The following MCPH1 variants were observed in gnomAD, a reference collection of about 807,000 sequenced individuals.
The protein encoded by MCPH1 is microcephalin 1.
MCPH1 carries 104 observed loss-of-function variants against 84.5 expected under a neutral mutation model. The observed-to-expected ratio is 1.23, with a 90% CI of 1.05 to 1.45. The LOEUF (loss-of-function observed/expected upper bound fraction) is 1.45. Among genes scored for constraint, MCPH1 ranks in the 40% most tolerant of loss-of-function variants. The probability of loss-of-function intolerance (pLI) is 0.00; values close to 1 mark genes in which losing one functional copy is unlikely to be tolerated. For synonymous variants in MCPH1, 514 were observed against 366.8 expected, an observed-to-expected ratio of 1.40 and a Z score of -4.58; for missense variants, 1,498 against 1,005.7, an observed-to-expected ratio of 1.49 and a Z score of -6.62.
chr8:6,455,098 G>T, intron 8 of MCPH1, 45 bp from the exon 9 acceptor site: 1 of 1,431,882 alleles, frequency 7.0e-7, no homozygotes, highest in South Asian at 1.1e-5. Flanking sequence ...GTTGTATTTG[G>T]TCCATGTAAA....
chr8:6,420,620 T>A lies in MCPH1; in HGVS notation c.233+5737T>A, dbSNP rs530456503. Among the ~76,000 whole-genome samples the A allele has an allele frequency of 2.6e-4, 39 of 152,290 alleles. 1 individual carries two copies. In the South Asian group the frequency reaches 6.6e-3, roughly 26 times the overall value. ...TCTTATGGAGTCCATTGAAATGGCT[T>A]ATTGATTTTTATCTCAAAATCGATC... is the stretch of plus-strand genomic sequence containing the variant. On this transcript the variant is annotated intron_variant, in intron 3 of 13. Coordinates refer to ENST00000344683, the MANE Select transcript of MCPH1 (RefSeq NM_024596.5).
rs148662788 is a variant in MCPH1 at position 6,496,508 on chromosome 8, C to A, written c.2137-3344C>A. 2.6e-5 allele frequency among the ~76,000 whole-genome samples: 4 copies of A among 152,188 alleles called. No individual in the cohort carries two copies. The East Asian group carries it at 7.7e-4, about 29-fold the overall frequency. ...TGCAAAGAATATTGTTGACTTTCGC[C>A]ACACGGAAGCCCCCCCGCCCCCCTT... is the stretch of plus-strand genomic sequence containing the variant. On this transcript the variant is annotated intron_variant, in intron 11 of 13. Transcript: ENST00000344683.
At chr8:6,467,866 G>C (rs1467421997) in intron 9 of MCPH1, among the ~76,000 whole-genome samples, 1 of 152,212 alleles carries the variant, frequency 6.6e-6, no homozygotes, top group Non-Finnish European at 1.5e-5. Context: ...CCAAAGTGCT[G>C]GGATTATAGG....
intron 12 of MCPH1, among the ~76,000 whole-genome samples, chr8:6,545,084 A>G (rs1048341592): frequency 2.0e-5 from 3 of 152,116 alleles, no homozygotes; most frequent in African/African-American, 4.8e-5. Context: ...GCCACACCCT[A>G]GGAGTGCTTA....
intron 12 of MCPH1, among the ~76,000 whole-genome samples, chr8:6,613,612 G>A (rs1830498141): frequency 6.6e-6 from 1 of 151,908 alleles, no homozygotes; most frequent in Non-Finnish European, 1.5e-5. Flanking sequence ...GGAGACAGGA[G>A]CCCAAGGGAC....
At chr8:6,566,850 C>A (rs1826206577) in intron 12 of MCPH1, among the ~76,000 whole-genome samples, 1 of 147,140 alleles carries the variant, frequency 6.8e-6, no homozygotes, top group Non-Finnish European at 1.5e-5. Context: ...GGTGCGGTGA[C>A]CATGTGTGAT....
chr8:6,576,464 C>G (rs1350363901), intron 12 of MCPH1, among the ~76,000 whole-genome samples: 8 of 151,638 alleles, frequency 5.3e-5, no homozygotes, highest in Admixed American at 5.3e-4. Context: ...GGAATCCTTC[C>G]CTTTCCCTTT....
intron 13 of MCPH1, chr8:6,626,984 CA>C (rs3214515): frequency 0.36 from 285,965 of 795,320 alleles, 35,955 homozygotes; most frequent in Non-Finnish European, 0.38. Context: ...ACAGCATTGC[CA>C]AAAAAAAAAA....
At chr8:6,609,828 C>CCCCCCACA (rs1475345162) in intron 12 of MCPH1, among the ~76,000 whole-genome samples, 1,722 of 107,552 alleles carry the variant, frequency 0.016, 32 homozygotes, top group Non-Finnish European at 0.018. Context: ...CGCCCCCCCC[C>CCCCCCACA]CACACACAGA....
intron 6 of MCPH1, among the ~76,000 whole-genome samples, chr8:6,441,419 C>T (rs1803493277): frequency 1.3e-5 from 2 of 151,890 alleles, no homozygotes; most frequent in African/African-American, 4.8e-5. Context: ...GAAGTTTTCT[C>T]AGAAAAGTAT....
intron 5 of MCPH1, among the ~76,000 whole-genome samples, chr8:6,438,096 A>T (rs143925174): frequency 7.8e-4 from 119 of 152,340 alleles, no homozygotes; most frequent in African/African-American, 2.7e-3. Context: ...CCTCATAGCA[A>T]TATTGCACAC....
chr8:6,626,198 C>G, intron 13 of MCPH1: 2 of 985,368 alleles, frequency 2.0e-6, no homozygotes, highest in Non-Finnish European at 2.4e-6. Flanking sequence ...CCCAGCTGCC[C>G]CACCTTGCTG....
chr8:6,569,971 C>T (rs569520486), intron 12 of MCPH1, among the ~76,000 whole-genome samples: 156 of 152,296 alleles, frequency 1.0e-3, no homozygotes, highest in African/African-American at 2.4e-3. Context: ...ATTACAAGTG[C>T]GGAAACCAGA....
At chr8:6,463,516 T>C (rs1021908921) in intron 9 of MCPH1, among the ~76,000 whole-genome samples, 4 of 152,154 alleles carry the variant, frequency 2.6e-5, no homozygotes, top group Admixed American at 6.5e-5. Flanking sequence ...TACAGCTCAT[T>C]TGGGTGTAGC....
At chr8:6,538,974 C>T (rs1006059607) in intron 12 of MCPH1, among the ~76,000 whole-genome samples, 1 of 152,166 alleles carries the variant, frequency 6.6e-6, no homozygotes, top group Admixed American at 6.5e-5. Flanking sequence ...TTTGAGGTCT[C>T]CAGACAGAAA....
At chr8:6,550,017 G>A (rs528422525) in intron 12 of MCPH1, among the ~76,000 whole-genome samples, 2 of 152,318 alleles carry the variant, frequency 1.3e-5, no homozygotes, top group South Asian at 2.1e-4. Flanking sequence ...ATTCGGGGAC[G>A]GGGGACGTGC....
chr8:6,467,270 G>A (rs1043839014), intron 9 of MCPH1, among the ~76,000 whole-genome samples: 9 of 152,140 alleles, frequency 5.9e-5, no homozygotes, highest in Non-Finnish European at 1.3e-4. Context: ...GGTATGAAGC[G>A]CTTCTTATTC....
chr8:6,438,828 T>A, intron 5 of MCPH1, 125 bp from the exon 6 acceptor site: 1 of 779,464 alleles, frequency 1.3e-6, no homozygotes, highest in South Asian at 1.5e-5. Flanking sequence ...TTAGCAGGAG[T>A]AGGTAATGAT....
intron 12 of MCPH1, among the ~76,000 whole-genome samples, chr8:6,566,226 G>A (rs1332260480): frequency 6.6e-6 from 1 of 152,180 alleles, no homozygotes; most frequent in African/African-American, 2.4e-5. Flanking sequence ...TAGCTCATAG[G>A]CTGTTAGAAA....
Sources: gnomAD v4.1 joint callset for allele counts (sites outside exome capture counted in the v4.1 genomes callset) on GRCh38, gnomAD v4.1.1 for gene constraint, MANE v1.5 for transcripts, NCBI Gene and HGNC (gene_info 2026-07-23, HGNC 2026-07-21) for gene names.